The following ALOX12B variants were observed in gnomAD, a reference collection of about 807,000 sequenced individuals.
ALOX12B encodes arachidonate 12-lipoxygenase, 12R type.
Under a neutral mutation model 78.9 loss-of-function variants are expected in ALOX12B, and 47 were observed. The observed-to-expected ratio is 0.60, with a 90% confidence interval of 0.47 to 0.76. The LOEUF (loss-of-function observed/expected upper bound fraction) is 0.76, where lower values mean the gene tolerates loss of function less well. Ranked by LOEUF, ALOX12B falls within the 30% of genes least tolerant of loss-of-function variation. ALOX12B has a pLI of 0.00. For synonymous variants in ALOX12B, 370 were observed against 374.5 expected (o/e 0.99, Z 0.14); for missense variants, 805 against 922.6 (o/e 0.87, Z 1.65).
intron 14 of ALOX12B, 76 bp downstream of exon 14, chr17:8,073,072 C>G: frequency 6.2e-7 from 1 of 1,608,472 alleles, no homozygotes; most frequent in East Asian, 2.2e-5. Context: ...CCCCTCTTGA[C>G]GCCGCTAGTT....
Position 8,087,333 on chromosome 17 carries a change from A to G in ALOX12B, c.110T>C (p.Leu37Pro), listed in dbSNP as rs1027234161. 2.4e-5 allele frequency: 38 copies of G among 1,613,950 alleles called. No individual in the cohort carries two copies. The highest frequency in any genetic ancestry group is 3.2e-5 in the Non-Finnish European group (38 of 1,180,002). The change falls in exon 1 of 15, where the codon CTG (leucine) becomes CCG (proline). Residue 37 changes from leucine (L) to proline (P), a missense_variant. By Grantham distance (98) the Leu-to-Pro change is moderately conservative. Coordinates refer to ENST00000647874, the MANE Select transcript of ALOX12B (RefSeq NM_001139.3). The part of the protein sequence containing the change: ...VGTQGESHKQ[L>P]LNHFGRDFAT... ...AAAGTCTCTCCCAAAGTGGTTCAGC[A>G]GCTGCTTATGGCTCTCTCCTTGTGT...
chr17:8,075,480 T>G (rs1349148368), intron 12 of ALOX12B, 115 bp downstream of exon 12: 1 of 1,553,182 alleles, frequency 6.4e-7, no homozygotes, highest in Admixed American at 1.7e-5. Flanking sequence ...TTTGGTCTCC[T>G]TCAGTCTACA....
chr17:8,086,101 G>A lies in ALOX12B; in HGVS notation c.267C>T (p.Ile89=), dbSNP rs1978296992. The A allele has an allele frequency of 6.2e-7, 1 of 1,614,088 alleles. No homozygotes were observed. The highest frequency in any genetic ancestry group is 1.3e-5 in the African/African-American group (1 of 74,938). ...KDPWYCNYVQ[I]CAPNGRIYHF... is the part of the protein sequence containing the mutation. The stretch of plus-strand genomic sequence containing the variant: ...GGTAGATACGGCCGTTGGGGGCACA[G>A]ATCTGCACATAGTTGCAGTACCAAG... Residue 89 remains isoleucine (I), a synonymous_variant, in exon 2 of 15, where the codon ATC becomes ATT. Coordinates refer to ENST00000647874, the MANE Select transcript of ALOX12B (RefSeq NM_001139.3).
chr17:8,079,292 G>C lies in ALOX12B; in HGVS notation c.1071+104C>G, dbSNP rs1598180230. ...AATCTCTCAAGGATAACGAGAGACG[G>C]CTGAATACATGCAGGTCCACACGCT... On this transcript the variant is annotated intron_variant, in intron 8 of 14. Coordinates refer to ENST00000647874, the MANE Select transcript of ALOX12B (RefSeq NM_001139.3). The surrounding 1 kb of genome is among the most constrained non-coding windows in gnomAD (Gnocchi z 6.4). 4 of 1,479,120 alleles carry C rather than the reference G, an allele frequency of 2.7e-6. No individual in the cohort carries two copies. The highest frequency in any genetic ancestry group is 2.8e-5 in the African/African-American group (2 of 71,510). 91.6% of individuals were successfully genotyped at this position (1,479,120 alleles called of 1,614,324 possible). A position where few individuals can be genotyped will look rare whatever the true frequency, so the allele number is the denominator to read the frequency against.
At chr17:8,075,759 C>G in intron 11 of ALOX12B, 43 bp from the exon 12 acceptor site, 1 of 1,614,030 alleles carries the variant, frequency 6.2e-7, no homozygotes, top group South Asian at 1.1e-5. Flanking sequence ...TCCTCCCCTC[C>G]CACTCCTCAG....
chr17:8,076,084 C>G (rs1013423712), intron 11 of ALOX12B, 91 bp downstream of exon 11: 15 of 1,549,864 alleles, frequency 9.7e-6, no homozygotes, highest in Non-Finnish European at 1.3e-5. Flanking sequence ...TGACACCAGA[C>G]CCACACTCAG....
intron 12 of ALOX12B, among the ~76,000 whole-genome samples, chr17:8,074,379 T>G (rs1158474620): frequency 1.3e-5 from 2 of 152,146 alleles, no homozygotes; most frequent in East Asian, 1.9e-4. Flanking sequence ...CTCCTCCTTT[T>G]AGCCCCCAGC....
At chr17:8,075,200 C>T (rs1350177351) in intron 12 of ALOX12B, among the ~76,000 whole-genome samples, 1 of 152,178 alleles carries the variant, frequency 6.6e-6, no homozygotes, top group Non-Finnish European at 1.5e-5. Flanking sequence ...ACCCAGGTGG[C>T]GGGACCTCAG....
Position 8,080,364 on chromosome 17 carries a change from G to T in ALOX12B, c.651-26C>A. 6.2e-7 allele frequency: 1 copy of T among 1,611,636 alleles called. No homozygotes were observed. Among genetic ancestry groups the T allele is most frequent in the East Asian group, 2.2e-5 (1 of 44,856 alleles). ...CTAGGAGATGGGATTCCAGGAAGAG[G>T]CCTTCAGAGGGGCTGCCAAGCGCCG... is the stretch of plus-strand genomic sequence containing the variant. On this transcript the variant is annotated intron_variant, in intron 5 of 14. Transcript: ENST00000647874. The surrounding 1 kb of genome is among the most constrained non-coding windows in gnomAD (Gnocchi z 4.8).
intron 2 of ALOX12B, 132 bp from the exon 3 acceptor site, chr17:8,081,319 T>C: frequency 1.2e-6 from 1 of 855,664 alleles, no homozygotes; most frequent in African/African-American, 1.7e-5. Context: ...AAGGCTCACC[T>C]TGGGAGAGTG....
rs1978305136 is a variant in ALOX12B, at chr17:8,087,394, C to T, written c.49G>A (p.Gly17Arg). The T allele has an allele frequency of 1.9e-6, 3 of 1,614,122 alleles. No homozygotes were observed. The highest frequency in any genetic ancestry group is 2.7e-5 in the African/African-American group (2 of 74,942). The change falls in exon 1 of 15, where the codon GGA becomes AGA. Residue 17 changes from glycine (G) to arginine (R), a missense_variant. Coordinates refer to ENST00000647874, the MANE Select transcript of ALOX12B (RefSeq NM_001139.3). ...RVATGTDLLS[G>R]TRDSISLTIV... ...GTCAGTGAGATGGAGTCCCGTGTTC[C>T]CGACAAGAGGTCGGTGCCTGTGGCC...
rs1458338410 is a variant in ALOX12B at position 8,077,143 on chromosome 17, A to G, written c.1122T>C (p.Ser374=). 1.2e-6 allele frequency: 2 copies of G among 1,613,848 alleles called. No individual in the cohort carries two copies. Among genetic ancestry groups the G allele is most frequent in the Non-Finnish European group, 1.7e-6 (2 of 1,179,962 alleles). ...PDCPIFLPSD[S]EWDWLLAKTW... ...TCTTGGCTAGCAGCCAGTCCCACTCAGAATCACTGGGCAGGAAGATGGGGC... is the reference window on the plus strand; with the variant it reads ...TCTTGGCTAGCAGCCAGTCCCACTCGGAATCACTGGGCAGGAAGATGGGGC... Residue 374 remains serine, a synonymous_variant, in exon 9 of 15, where the codon TCT becomes TCC. Transcript: ENST00000647874.
Position 8,086,134 on chromosome 17 carries a change from G to A in ALOX12B, c.234C>T (p.Pro78=). Residue 78 remains proline, a synonymous_variant, in exon 2 of 15, where the codon CCC becomes CCT. Transcript: ENST00000647874. ...CATAGTTGCAGTACCAAGGGTCCTT[G>A]GGGAAGAAGGCGTACCGCTCTTTGT... ...RLHKERYAFF[P]KDPWYCNYVQ... 6.2e-7 allele frequency: 1 copy of A among 1,614,190 alleles called. No homozygotes were observed. Among genetic ancestry groups the A allele is most frequent in the Non-Finnish European group, 8.5e-7 (1 of 1,180,018 alleles).
Position 8,072,732 on chromosome 17 carries a change from G to C in ALOX12B, c.*39C>G. On this transcript the variant is annotated 3_prime_UTR_variant, in exon 15 of 15. Transcript: ENST00000647874. ...TTGTTTTGTTTTGTTGAAAATAGTA[G>C]GGCACAGAATGGGGAGAGGAGAGAC... 6.2e-7 allele frequency: 1 copy of C among 1,611,590 alleles called. No homozygotes were observed. Among genetic ancestry groups the C allele is most frequent in the Non-Finnish European group, 8.5e-7 (1 of 1,177,666 alleles).
chr17:8,087,142 C>G (rs188924180), intron 1 of ALOX12B, among the ~76,000 whole-genome samples, 154 bp downstream of exon 1: 25 of 152,228 alleles, frequency 1.6e-4, no homozygotes, highest in Admixed American at 1.6e-3. Flanking sequence ...AGCTCTCCAG[C>G]CTCTCCTCGC....
In ALOX12B at chr17:8,080,080, G is replaced by T; in HGVS notation, c.755-139C>A. Reference sequence around the variant, plus strand: ...CCCCCAGCCTGGCGCTGAGCGGCCGGAGGAGCCCGGTGCGACATTTTCCAA... The same window carrying T: ...CCCCCAGCCTGGCGCTGAGCGGCCGTAGGAGCCCGGTGCGACATTTTCCAA... On this transcript the variant is annotated intron_variant, in intron 6 of 14. Transcript: ENST00000647874. The surrounding 1 kb of genome is among the most constrained non-coding windows in gnomAD (Gnocchi z 4.8). 1 of 1,483,484 alleles carries T rather than the reference G, an allele frequency of 6.7e-7. No individual in the cohort carries two copies. The allele number at this position is 1,483,484 out of a possible 1,614,324, so 91.9% of individuals were successfully genotyped here.
Position 8,079,711 on chromosome 17 carries a change from G to A in ALOX12B, c.927+58C>T. 6.4e-7 allele frequency: 1 copy of A among 1,573,162 alleles called. No individual in the cohort carries two copies. Among genetic ancestry groups the A allele is most frequent in the African/African-American group, 1.4e-5 (1 of 73,924 alleles). Reference sequence around the variant, plus strand: ...GGGCGCCGGAGGTGGGGAGAGACGGGGATGCCCGCGAGGGAGGCCGGGAGG... The same window carrying A: ...GGGCGCCGGAGGTGGGGAGAGACGGAGATGCCCGCGAGGGAGGCCGGGAGG... On this transcript the variant is annotated intron_variant, in intron 7 of 14. Coordinates refer to ENST00000647874, the MANE Select transcript of ALOX12B (RefSeq NM_001139.3). This position sits in a 1 kb window ranked among gnomAD's most constrained non-coding sequence, Gnocchi z 6.4.
At chr17:8,076,060 G>GCCAAGC (rs1977073221) in intron 11 of ALOX12B, 115 bp downstream of exon 11, 2 of 1,415,484 alleles carry the variant, frequency 1.4e-6, no homozygotes, top group Non-Finnish European at 2.0e-6. Context: ...CTTCCCCAAG[G>GCCAAGC]CCAAGCCCCT....
chr17:8,073,552 C>T (rs961917837), intron 13 of ALOX12B, 105 bp downstream of exon 13: 1 of 1,174,058 alleles, frequency 8.5e-7, no homozygotes, highest in East Asian at 2.5e-5. Flanking sequence ...CAAGTTGAGG[C>T]TGGACCAGGG....
Sources: allele counts gnomAD v4.1 joint callset (sites outside exome capture counted in the v4.1 genomes callset), GRCh38; gene constraint gnomAD v4.1.1; non-coding constraint Gnocchi (gnomAD v3.1); transcripts MANE v1.5; gene names NCBI Gene and HGNC (gene_info 2026-07-23, HGNC 2026-07-21).